The following PPP2R5E variants were observed in gnomAD, a reference collection of about 807,000 sequenced individuals.
PPP2R5E encodes protein phosphatase 2 regulatory subunit B'epsilon.
A neutral mutation model predicts 65.3 loss-of-function variants in PPP2R5E; 4 were observed. The observed-to-expected ratio is 0.06, with a 90% CI of 0.03 to 0.14. The LOEUF (loss-of-function observed/expected upper bound fraction) is 0.14, where lower values mean the gene tolerates loss of function less well. PPP2R5E is among the 10% of genes least tolerant of loss of function. The pLI, the probability that PPP2R5E is intolerant of heterozygous loss-of-function variation, is 1.00. For synonymous variants in PPP2R5E, 183 were observed against 187.4 expected (o/e 0.98, Z 0.19); for missense variants, 274 against 556.1 (o/e 0.49, Z 5.10).
At chr14:63,448,564 G>C (rs1027712541) in intron 3 of PPP2R5E, among the ~76,000 whole-genome samples, 2 of 152,072 alleles carry the variant, frequency 1.3e-5, no homozygotes, top group Non-Finnish European at 2.9e-5. Flanking sequence ...GCTGAGGTGG[G>C]TAGATCATGA....
chr14:63,530,720 G>C (rs1022212673), intron 2 of PPP2R5E, among the ~76,000 whole-genome samples: 1 of 136,830 alleles, frequency 7.3e-6, no homozygotes, highest in African/African-American at 2.7e-5. Flanking sequence ...CCCAGTTCAA[G>C]TGATTCTCCT....
intron 3 of PPP2R5E, among the ~76,000 whole-genome samples, chr14:63,424,614 G>T (rs1025870429): frequency 6.6e-6 from 1 of 152,048 alleles, no homozygotes; most frequent in African/African-American, 2.4e-5. Flanking sequence ...AGCCGGGTGT[G>T]GTGGCGGGCG....
intron 3 of PPP2R5E, among the ~76,000 whole-genome samples, chr14:63,424,777 T>C (rs1594859419): frequency 6.8e-6 from 1 of 146,000 alleles, no homozygotes; most frequent in African/African-American, 2.5e-5. Flanking sequence ...ACAGAAAGGG[T>C]CCTTGGGCAC....
Position 63,506,191 on chromosome 14 carries a change from C to T in PPP2R5E, c.157+33338G>A, listed in dbSNP as rs1161144715. On this transcript the variant is annotated intron_variant, in intron 2 of 13. Coordinates refer to ENST00000337537, the MANE Select transcript of PPP2R5E (RefSeq NM_006246.5). ...ATTGGCCGGGCGCAGTGGCTCAAGC[C>T]TGTAATCCTAGCACTTTGGGAGGCC... 3.3e-5 allele frequency among the ~76,000 whole-genome samples: 5 copies of T among 152,172 alleles called. 1 individual carries two copies. In the South Asian group the frequency reaches 8.3e-4, roughly 25 times the overall value.
intron 6 of PPP2R5E, among the ~76,000 whole-genome samples, chr14:63,395,599 G>C (rs1309960712): frequency 6.7e-5 from 1 of 14,900 alleles, no homozygotes; most frequent in African/African-American, 3.5e-4. Flanking sequence ...AGGAGAGAGG[G>C]GAAGAGAGGA....
rs146363981 is a variant in PPP2R5E, at chr14:63,387,056, T to G, written c.1075-2485A>C. On this transcript the variant is annotated intron_variant, in intron 11 of 13. Coordinates refer to ENST00000337537, the MANE Select transcript of PPP2R5E (RefSeq NM_006246.5). ...AGGACAGAGGCATGGACGAGGACAA[T>G]GTGTTTGGGAATCATCAAAGCAAAT... is the stretch of plus-strand genomic sequence containing the variant. Among the ~76,000 whole-genome samples, 195 of 151,768 alleles carry G rather than the reference T, an allele frequency of 1.3e-3. 2 individuals are homozygous for G. In the East Asian group the frequency reaches 0.036, roughly 28 times the overall value.
intron 3 of PPP2R5E, chr14:63,451,727 C>T (rs1323950667): frequency 9.9e-5 from 15 of 151,502 alleles, no homozygotes; most frequent in African/African-American, 2.2e-4. Flanking sequence ...GATAATGATG[C>T]GTCAATGTAG....
At chr14:63,434,261 A>T (rs1172438115) in intron 3 of PPP2R5E, among the ~76,000 whole-genome samples, 1 of 152,236 alleles carries the variant, frequency 6.6e-6, no homozygotes, top group Non-Finnish European at 1.5e-5. Context: ...CAAACAAACA[A>T]AAAATGGCAG....
At chr14:63,532,729 A>C (rs1893488928) in intron 2 of PPP2R5E, among the ~76,000 whole-genome samples, 1 of 152,230 alleles carries the variant, frequency 6.6e-6, no homozygotes, top group African/African-American at 2.4e-5. Context: ...GTCCAAGGCA[A>C]CCCAGCTAGT....
chr14:63,528,225 A>G (rs1893261082), intron 2 of PPP2R5E, among the ~76,000 whole-genome samples: 1 of 152,202 alleles, frequency 6.6e-6, no homozygotes, highest in South Asian at 2.1e-4. Flanking sequence ...AATTACTATT[A>G]TGAGCCAATA....
At chr14:63,379,826 C>CTCTTTTTTTT (rs528081976) in intron 13 of PPP2R5E, among the ~76,000 whole-genome samples, 8 of 100,280 alleles carry the variant, frequency 8.0e-5, no homozygotes, top group African/African-American at 4.2e-4. Flanking sequence ...TATTCTCTCT[C>CTCTTTTTTTT]TTTTTTTTTT....
chr14:63,515,951 G>A (rs1485161322), intron 2 of PPP2R5E, among the ~76,000 whole-genome samples: 8 of 143,304 alleles, frequency 5.6e-5, no homozygotes, highest in Non-Finnish European at 1.1e-4. Context: ...CTAGGTTCAC[G>A]CCATCCTCCT....
chr14:63,488,690 A>T (rs1891127399), intron 2 of PPP2R5E, among the ~76,000 whole-genome samples: 1 of 151,014 alleles, frequency 6.6e-6, no homozygotes. Flanking sequence ...CTCTACTAAA[A>T]ATACAAAAAT....
At position 63,422,039 on chromosome 14, in the gene PPP2R5E, G is replaced by A; in HGVS notation, c.410C>T (p.Pro137Leu). Residue 137 changes from proline to leucine, a missense_variant, in exon 4 of 14, where the codon CCA becomes CTA. Coordinates refer to ENST00000337537, the MANE Select transcript of PPP2R5E (RefSeq NM_006246.5). ...CTCAAGGGTAGGTTCATCTTCTTCTGGATCAAATTCATTGCTGTCACTAGG... is the reference window on the plus strand; with the variant it reads ...CTCAAGGGTAGGTTCATCTTCTTCTAGATCAAATTCATTGCTGTCACTAGG... Reference protein sequence around the residue: ...LPPSDSNEFDPEEDEPTLEAS... With the variant: ...LPPSDSNEFDLEEDEPTLEAS... 6.2e-7 allele frequency: 1 copy of A among 1,613,684 alleles called. No homozygotes were observed. The highest frequency in any genetic ancestry group is 8.5e-7 in the Non-Finnish European group (1 of 1,179,696).
At position 63,466,513 on chromosome 14, in the gene PPP2R5E, T is replaced by C. The variant is rs1408105235; in HGVS notation, c.158-12628A>G. Among the ~76,000 whole-genome samples, 6 of 152,232 alleles carry C rather than the reference T, an allele frequency of 3.9e-5. No homozygotes were observed. In the East Asian group the frequency reaches 1.2e-3, roughly 29 times the overall value. ...TGGCATGTAGTACACAGGCATGTAG[T>C]ACACAGTCCCCTAATTGTGAAGCTC... is the stretch of plus-strand genomic sequence containing the variant. On this transcript the variant is annotated intron_variant, in intron 2 of 13. Coordinates refer to ENST00000337537, the MANE Select transcript of PPP2R5E (RefSeq NM_006246.5).
At chr14:63,418,283 G>A (rs549441335) in intron 4 of PPP2R5E, among the ~76,000 whole-genome samples, 9 of 152,290 alleles carry the variant, frequency 5.9e-5, no homozygotes, top group Admixed American at 2.6e-4. Context: ...ACAAAGAGGG[G>A]AGATTCTCAT....
At chr14:63,444,469 C>A (rs1393389666) in intron 3 of PPP2R5E, among the ~76,000 whole-genome samples, 1 of 152,148 alleles carries the variant, frequency 6.6e-6, no homozygotes, top group African/African-American at 2.4e-5. Context: ...CAAAGTGAAG[C>A]CCTGTCTTTT....
intron 3 of PPP2R5E, among the ~76,000 whole-genome samples, chr14:63,435,336 G>A (rs562061781): frequency 8.2e-4 from 125 of 152,042 alleles, no homozygotes; most frequent in African/African-American, 2.9e-3. Flanking sequence ...TTTAAATACC[G>A]AAACTATGGG....
At chr14:63,411,418 T>C (rs1425766499) in intron 5 of PPP2R5E, among the ~76,000 whole-genome samples, 4 of 151,948 alleles carry the variant, frequency 2.6e-5, no homozygotes, top group African/African-American at 9.7e-5. Context: ...ATTTTTATTT[T>C]TATAGTTTTG....
Sources: gnomAD v4.1 joint callset for allele counts (sites outside exome capture counted in the v4.1 genomes callset) on GRCh38, gnomAD v4.1.1 for gene constraint, MANE v1.5 for transcripts, NCBI Gene and HGNC (gene_info 2026-07-23, HGNC 2026-07-21) for gene names.